The following TMEM230 variants were observed in gnomAD, a reference collection of about 807,000 sequenced individuals.
TMEM230 encodes UPF0414 transmembrane protein C20orf30.
Under a neutral mutation model 15.8 loss-of-function variants are expected in TMEM230, and 10 were observed. That is an observed-to-expected ratio of 0.63 (90% CI 0.39 to 1.07). TMEM230 has a LOEUF of 1.07. Among genes scored for constraint, TMEM230 ranks in the 50% least tolerant of loss-of-function variants. TMEM230 has a pLI of 0.01. For missense variants in TMEM230, 165 were observed against 193.3 expected (o/e 0.85, Z 0.87); for synonymous variants, 67 against 76.9 (o/e 0.87, Z 0.68).
intron 4 of TMEM230, among the ~76,000 whole-genome samples, chr20:5,105,064 C>T (rs1219909868): frequency 2.0e-5 from 3 of 152,160 alleles, no homozygotes; most frequent in African/African-American, 7.2e-5. Flanking sequence ...GCGGGCAGGC[C>T]GCTTGAGGTC....
At chr20:5,074,398 A>G (rs1387915645) in intron 3 of TMEM230, among the ~76,000 whole-genome samples, 3 of 152,024 alleles carry the variant, frequency 2.0e-5, no homozygotes, top group African/African-American at 7.3e-5. Context: ...TAACCTATCT[A>G]TAGTTTCCCC....
chr20:5,067,453 A>ATATATATATG, downstream of TMEM230: 3 of 77,420 alleles, frequency 3.9e-5, no homozygotes, highest in Admixed American at 4.4e-4. Flanking sequence ...ATATATATAT[A>ATATATATATG]TATATATTTT....
chr20:5,084,829 TG>T (rs2089290689), intron 3 of TMEM230, among the ~76,000 whole-genome samples: 1 of 152,228 alleles, frequency 6.6e-6, no homozygotes, highest in African/African-American at 2.4e-5. Context: ...CCACTGCGTC[TG>T]GCCCCATAAT....
intron 3 of TMEM230, among the ~76,000 whole-genome samples, chr20:5,107,257 C>T (rs922232253): frequency 1.3e-5 from 2 of 152,126 alleles, no homozygotes; most frequent in Admixed American, 6.5e-5. Context: ...GCTGAGATTG[C>T]ACCACTGCAC....
At chr20:5,112,283 C>T (rs2090358239) in intron 1 of TMEM230, among the ~76,000 whole-genome samples, 1 of 152,188 alleles carries the variant, frequency 6.6e-6, no homozygotes, top group South Asian at 2.1e-4. Context: ...ATGTTAATCT[C>T]TATACTTTTC....
downstream of TMEM230, among the ~76,000 whole-genome samples, chr20:5,066,631 C>A (rs915543768): frequency 6.7e-6 from 1 of 148,704 alleles, no homozygotes; most frequent in Non-Finnish European, 1.5e-5. Flanking sequence ...TGTGCCACTG[C>A]ACTCCAGCCT....
intron 3 of TMEM230, among the ~76,000 whole-genome samples, chr20:5,074,066 C>T (rs1334789503): frequency 6.6e-6 from 1 of 152,154 alleles, no homozygotes; most frequent in African/African-American, 2.4e-5. Flanking sequence ...CTTGCCTGAA[C>T]TCAGAGCAAG....
Position 5,100,512 on chromosome 20 carries a change from C to A in TMEM230, c.*279G>T, listed in dbSNP as rs1343383437. Reference sequence around the variant, plus strand: ...TGCTCAGCTCTACAGAGGGTGGTGGCAGGCAACACTTTTCCATTACAGAAT... The same window carrying A: ...TGCTCAGCTCTACAGAGGGTGGTGGAAGGCAACACTTTTCCATTACAGAAT... On this transcript the variant is annotated 3_prime_UTR_variant, in exon 5 of 5. Coordinates refer to ENST00000342308, the MANE Select transcript of TMEM230 (RefSeq NM_001009923.2). The A allele has an allele frequency of 2.1e-5, 24 of 1,155,624 alleles. No homozygotes were observed. Among genetic ancestry groups the A allele is most frequent in the Non-Finnish European group, 2.6e-5 (24 of 935,092 alleles). 71.6% of individuals were successfully genotyped at this position (1,155,624 alleles called of 1,614,324 possible).
At chr20:5,111,109 G>A (rs529432151) in intron 2 of TMEM230, 53 of 151,712 alleles carry the variant, frequency 3.5e-4, no homozygotes, top group African/African-American at 1.1e-3. Context: ...TTGAGCCTGG[G>A]AGACGGAGGT....
intron 3 of TMEM230, among the ~76,000 whole-genome samples, chr20:5,094,568 G>A (rs28529592): frequency 0.47 from 71,306 of 151,078 alleles, 18,206 homozygotes; most frequent in East Asian, 0.84. Flanking sequence ...TTAGTCAGGC[G>A]TGGTGGCACG....
At chr20:5,061,610 C>T in the TMEM230 span, among the ~76,000 whole-genome samples, 16 of 152,210 alleles carry the variant, frequency 1.1e-4, no homozygotes, top group African/African-American at 2.9e-4. Flanking sequence ...CTTTTCCAAG[C>T]GCTTATCTAT....
At chr20:5,091,445 A>T (rs568571158) in intron 3 of TMEM230, among the ~76,000 whole-genome samples, 1 of 152,218 alleles carries the variant, frequency 6.6e-6, no homozygotes, top group South Asian at 2.1e-4. Flanking sequence ...TCCTGACCTC[A>T]GGTGATCCAC....
chr20:5,092,645 G>T (rs187220733), intron 3 of TMEM230, among the ~76,000 whole-genome samples: 5 of 151,268 alleles, frequency 3.3e-5, no homozygotes, highest in Admixed American at 6.6e-5. Flanking sequence ...GAACCCGGAG[G>T]CAGAGGTTGC....
intron 3 of TMEM230, among the ~76,000 whole-genome samples, chr20:5,088,543 T>C (rs1164470375): frequency 6.6e-6 from 1 of 151,030 alleles, no homozygotes. Context: ...GGCATGAGCC[T>C]ACTGCACTCA....
At chr20:5,080,280 A>C (rs2089141823) in intron 3 of TMEM230, among the ~76,000 whole-genome samples, 1 of 152,230 alleles carries the variant, frequency 6.6e-6, no homozygotes, top group Non-Finnish European at 1.5e-5. Flanking sequence ...TGGTTTTTGT[A>C]AGTTGCAATT....
chr20:5,059,233 GCTCACTACAGCTTCCAC>G, the TMEM230 span, among the ~76,000 whole-genome samples: 1 of 151,744 alleles, frequency 6.6e-6, no homozygotes, highest in African/African-American at 2.4e-5. Context: ...TGTGATCATG[GCTCACTACAGCTTCCAC>G]CTCCCAGCCT....
chr20:5,099,267 T>A (rs1017108491), downstream of TMEM230, among the ~76,000 whole-genome samples: 9 of 151,826 alleles, frequency 5.9e-5, no homozygotes, highest in Admixed American at 2.6e-4. Context: ...AAAAACCAAA[T>A]CATTTGGTTG....
chr20:5,108,764 T>C (rs371090497), intron 3 of TMEM230, among the ~76,000 whole-genome samples: 4 of 152,328 alleles, frequency 2.6e-5, no homozygotes, highest in African/African-American at 9.6e-5. Flanking sequence ...GCTGTAGTAT[T>C]GACTAGTTTA....
Position 5,100,788 on chromosome 20 carries a change from G to A in TMEM230, c.*3C>T. The A allele has an allele frequency of 1.9e-6, 3 of 1,613,010 alleles. No individual in the cohort carries two copies. The highest frequency in any genetic ancestry group is 1.7e-6 in the Non-Finnish European group (2 of 1,179,982). On this transcript the variant is annotated 3_prime_UTR_variant, in exon 5 of 5. Transcript: ENST00000342308. ...TGACTCCTCCTCAGCTATGGGGTGG[G>A]TGCTAGTCATCAAAGTCTGGAATGT...
Sources: gnomAD v4.1 joint callset for allele counts (sites outside exome capture counted in the v4.1 genomes callset) on GRCh38, gnomAD v4.1.1 for gene constraint, MANE v1.5 for transcripts, NCBI Gene and HGNC (gene_info 2026-07-23, HGNC 2026-07-21) for gene names.